TRHDE: variants seen among roughly 807,000 people sequenced by gnomAD.
The protein encoded by TRHDE is thyrotropin releasing hormone degrading enzyme.
TRHDE carries 72 observed loss-of-function variants against 125.7 expected under a neutral mutation model. The ratio of observed to expected loss-of-function variants is 0.57; its 90% CI spans 0.47 to 0.70. The LOEUF is 0.70. Ranked by LOEUF, TRHDE falls within the 30% of genes least tolerant of loss-of-function variation. The pLI is 0.00. For missense variants in TRHDE, 1,110 were observed against 1,327.1 expected (o/e 0.84, Z 2.54); for synonymous variants, 509 against 509.1 (o/e 1.00, Z 0.00).
At chr12:72,607,696 T>C (rs989382642) in intron 12 of TRHDE, among the ~76,000 whole-genome samples, 2 of 152,178 alleles carry the variant, frequency 1.3e-5, no homozygotes, top group African/African-American at 4.8e-5. Context: ...TAGCAGTTTT[T>C]ATTCTTAATG....
intron 2 of TRHDE, among the ~76,000 whole-genome samples, chr12:72,122,801 T>C (rs1210187036): frequency 6.6e-6 from 1 of 152,156 alleles, no homozygotes. Context: ...TATATCTTTT[T>C]CGTTTTATTC....
intron 2 of TRHDE, among the ~76,000 whole-genome samples, chr12:72,315,338 T>G (rs765130813): frequency 2.6e-5 from 4 of 152,204 alleles, no homozygotes; most frequent in Non-Finnish European, 5.9e-5. Flanking sequence ...CCGATAGGTC[T>G]TATACAAGTT....
At chr12:72,421,588 G>A (rs1251697446) in intron 3 of TRHDE, among the ~76,000 whole-genome samples, 2 of 152,164 alleles carry the variant, frequency 1.3e-5, no homozygotes, top group African/African-American at 4.8e-5. Context: ...TTACAACGGA[G>A]TCTGTAAAAC....
chr12:72,097,706 C>T (rs1249396084), intron 1 of TRHDE, among the ~76,000 whole-genome samples: 1 of 152,116 alleles, frequency 6.6e-6, no homozygotes, highest in Admixed American at 6.5e-5. Context: ...CTGCTGCAGC[C>T]TCCCAAAGTG....
intron 2 of TRHDE, among the ~76,000 whole-genome samples, chr12:72,236,352 A>G (rs770932011): frequency 7.2e-5 from 11 of 152,218 alleles, no homozygotes; most frequent in Non-Finnish European, 1.0e-4. Context: ...CAGTTCAATC[A>G]CATCAAAGAA....
intron 3 of TRHDE, among the ~76,000 whole-genome samples, chr12:72,419,564 A>T (rs952995447): frequency 6.6e-6 from 1 of 152,122 alleles, no homozygotes; most frequent in African/African-American, 2.4e-5. Context: ...AAACAGCCAG[A>T]CCTCATGAAA....
chr12:72,333,259 A>G lies in TRHDE; in HGVS notation c.1189-44736A>G, dbSNP rs565149075. On this transcript the variant is annotated intron_variant, in intron 2 of 18. Transcript: ENST00000261180. The stretch of plus-strand genomic sequence containing the variant: ...AAACTAATACAGATTAAATCAGAAA[A>G]TATAGATTGTCTTGAACATTTACCA... Among the ~76,000 whole-genome samples the G allele has an allele frequency of 2.6e-5, 4 of 152,366 alleles. No homozygotes were observed. In the South Asian group the frequency reaches 8.3e-4, roughly 32 times the overall value.
At chr12:72,494,633 C>T (rs1000905042) in intron 5 of TRHDE, among the ~76,000 whole-genome samples, 12 of 152,000 alleles carry the variant, frequency 7.9e-5, no homozygotes, top group African/African-American at 1.9e-4. Flanking sequence ...ACTGTAGCTA[C>T]ACCAGGCATA....
intron 2 of TRHDE, among the ~76,000 whole-genome samples, chr12:72,302,687 A>G (rs932832511): frequency 6.6e-6 from 1 of 152,172 alleles, no homozygotes; most frequent in African/African-American, 2.4e-5. Context: ...GACTATAGGC[A>G]GACACAGGGG....
At chr12:72,634,698 G>C (rs1487218694) in intron 15 of TRHDE, among the ~76,000 whole-genome samples, 13 of 129,312 alleles carry the variant, frequency 1.0e-4, no homozygotes, top group Admixed American at 3.0e-4. Flanking sequence ...TCCCCCTCCT[G>C]TGTCCATGTG....
chr12:72,527,802 A>G (rs779544296), intron 6 of TRHDE, among the ~76,000 whole-genome samples: 10 of 152,166 alleles, frequency 6.6e-5, no homozygotes, highest in Non-Finnish European at 1.0e-4. Context: ...TTAGAAAAGA[A>G]AAACTAGAAA....
intron 2 of TRHDE, among the ~76,000 whole-genome samples, chr12:72,323,241 A>T (rs1869180713): frequency 6.6e-6 from 1 of 152,156 alleles, no homozygotes; most frequent in Non-Finnish European, 1.5e-5. Flanking sequence ...TAAAGGATAA[A>T]TTAGATCCTA....
chr12:72,587,716 A>G (rs1474693659), intron 12 of TRHDE, among the ~76,000 whole-genome samples: 1 of 152,142 alleles, frequency 6.6e-6, no homozygotes, highest in African/African-American at 2.4e-5. Context: ...AGAGATAAGT[A>G]TTTTATACAC....
chr12:72,268,765 T>C (rs903824827), upstream of TRHDE, among the ~76,000 whole-genome samples: 2 of 152,254 alleles, frequency 1.3e-5, no homozygotes, highest in Non-Finnish European at 1.5e-5. Flanking sequence ...AGGACCAAGG[T>C]GTAGATTTTA....
intron 2 of TRHDE, among the ~76,000 whole-genome samples, chr12:72,200,111 C>A (rs1242910434): frequency 6.6e-6 from 1 of 152,138 alleles, no homozygotes; most frequent in Non-Finnish European, 1.5e-5. Flanking sequence ...ACTAAAGAGT[C>A]TTTTTATTTC....
In TRHDE at chr12:72,337,906, C is replaced by T. The variant is rs181132061; in HGVS notation, c.1189-40089C>T. On this transcript the variant is annotated intron_variant, in intron 2 of 18. Transcript: ENST00000261180. Reference sequence around the variant, plus strand: ...TTGCACGTAATTGGCTGTGGTTACACGTAGTACTAGCAACACTTTTAGGTA... The same window carrying T: ...TTGCACGTAATTGGCTGTGGTTACATGTAGTACTAGCAACACTTTTAGGTA... 5.9e-5 allele frequency among the ~76,000 whole-genome samples: 9 copies of T among 151,962 alleles called. No individual in the cohort carries two copies. In the East Asian group the frequency reaches 1.4e-3, roughly 23 times the overall value.
rs1163495531 is a variant in TRHDE, at chr12:72,640,298, A to G, written c.2676-12024A>G. ...GCCGTCTGTCACCCCTTTCTTTGACAAGGAAAGGGAACTCCCTGACCCCCT... is the reference window on the plus strand; with the variant it reads ...GCCGTCTGTCACCCCTTTCTTTGACGAGGAAAGGGAACTCCCTGACCCCCT... On this transcript the variant is annotated intron_variant, in intron 15 of 18. Transcript: ENST00000261180. Among the ~76,000 whole-genome samples the G allele has an allele frequency of 2.6e-5, 4 of 152,260 alleles. No homozygotes were observed. In the South Asian group the frequency reaches 8.3e-4, roughly 32 times the overall value.
intron 3 of TRHDE, among the ~76,000 whole-genome samples, chr12:72,389,879 C>T (rs1328512056): frequency 6.6e-6 from 1 of 152,112 alleles, no homozygotes; most frequent in Non-Finnish European, 1.5e-5. Flanking sequence ...AAGATCAAAG[C>T]AGAGAGGAGC....
rs1236234475 is a variant in TRHDE at position 72,512,428 on chromosome 12, TTA to T, written c.1722+12798_1722+12799del. On this transcript the variant is annotated intron_variant, in intron 6 of 18. Coordinates refer to ENST00000261180, the MANE Select transcript of TRHDE (RefSeq NM_013381.3). ...TATAATTATAACTATATAATATATA[TTA>T]TATAATATGTTATAATTATATAATT... Among the ~76,000 whole-genome samples, 3 of 107,198 alleles carry T rather than the reference TTA, an allele frequency of 2.8e-5. No individual in the cohort carries two copies. The Admixed American group carries it at 3.1e-4, about 11-fold the overall frequency. The allele number at this position is 107,198 out of a possible 152,430, so 70.3% of individuals were successfully genotyped here.
Sources: gnomAD v4.1 joint callset for allele counts (sites outside exome capture counted in the v4.1 genomes callset) on GRCh38, gnomAD v4.1.1 for gene constraint, MANE v1.5 for transcripts, NCBI Gene and HGNC (gene_info 2026-07-23, HGNC 2026-07-21) for gene names.